GRM1: variants seen among roughly 807,000 people sequenced by gnomAD.
GRM1 encodes the protein glutamate metabotropic receptor 1.
GRM1 carries 33 observed loss-of-function variants against 90.9 expected under a neutral mutation model. That is an observed-to-expected ratio of 0.36 (90% CI 0.28 to 0.49). The LOEUF (loss-of-function observed/expected upper bound fraction) is 0.49, where lower values mean the gene tolerates loss of function less well. GRM1 is among the 20% of genes least tolerant of loss of function. The probability of loss-of-function intolerance (pLI) is 0.99; values close to 1 mark genes in which losing one functional copy is unlikely to be tolerated. For missense variants in GRM1, 1,190 were observed against 1,534.3 expected (o/e 0.78, Z 3.75); for synonymous variants, 700 against 613.2 (o/e 1.14, Z -2.09).
intron 1 of GRM1, among the ~76,000 whole-genome samples, chr6:146,047,286 G>A (rs1163139916): frequency 7.2e-6 from 1 of 138,808 alleles, no homozygotes; most frequent in African/African-American, 2.6e-5. Flanking sequence ...CTCATTTTTC[G>A]GGTTCTTTTT....
chr6:146,124,595 A>G lies in GRM1; in HGVS notation c.701-34753A>G, dbSNP rs555036068. Among the ~76,000 whole-genome samples, 129 of 152,278 alleles carry G rather than the reference A, an allele frequency of 8.5e-4. 1 individual carries two copies. Among genetic ancestry groups the G allele is most frequent in the Non-Finnish European group, 1.2e-3 (84 of 67,996 alleles). ...TATCTTCATGATCTTAGTATCAACTATACCTATTTCTGTGGCATAAGAATT... is the reference window on the plus strand; with the variant it reads ...TATCTTCATGATCTTAGTATCAACTGTACCTATTTCTGTGGCATAAGAATT... On this transcript the variant is annotated intron_variant, in intron 1 of 7. Transcript: ENST00000282753.
chr6:146,363,010 G>T (rs1224064418), intron 5 of GRM1, among the ~76,000 whole-genome samples: 2 of 152,120 alleles, frequency 1.3e-5, no homozygotes, highest in Non-Finnish European at 2.9e-5. Flanking sequence ...ATGTGCCCAG[G>T]TTTGTGCTGC....
chr6:146,268,255 G>T (rs1247458406), intron 2 of GRM1, among the ~76,000 whole-genome samples: 2 of 152,086 alleles, frequency 1.3e-5, no homozygotes, highest in Non-Finnish European at 2.9e-5. Flanking sequence ...TTAAGCCCCC[G>T]ACCTACAGTA....
intron 1 of GRM1, among the ~76,000 whole-genome samples, chr6:146,118,612 C>T (rs142328742): frequency 6.0e-4 from 91 of 152,330 alleles, no homozygotes; most frequent in South Asian, 3.9e-3. Context: ...CTGCAACAGG[C>T]CCTGGCATGT....
Position 146,317,030 on chromosome 6 carries a change from C to A in GRM1, c.1186+12184C>A, listed in dbSNP as rs557956134. Among the ~76,000 whole-genome samples, 3 of 152,324 alleles carry A rather than the reference C, an allele frequency of 2.0e-5. No individual in the cohort carries two copies. The South Asian group carries it at 6.2e-4, about 32-fold the overall frequency. On this transcript the variant is annotated intron_variant, in intron 3 of 7. Coordinates refer to ENST00000282753, the MANE Select transcript of GRM1 (RefSeq NM_001278064.2). ...TTCTTGTTAGACAAGCCTCGCCTTC[C>A]AGACTTACTTTGAGGTACATTGAAC...
chr6:146,163,879 A>G (rs893257629), intron 2 of GRM1, among the ~76,000 whole-genome samples: 11 of 152,138 alleles, frequency 7.2e-5, no homozygotes, highest in African/African-American at 2.7e-4. Flanking sequence ...TCATTAACGG[A>G]TAACTCATTT....
intron 7 of GRM1, among the ~76,000 whole-genome samples, chr6:146,415,272 T>C (rs9322058): frequency 0.63 from 95,400 of 151,970 alleles, 32,066 homozygotes; most frequent in African/African-American, 0.89. Flanking sequence ...TAATCTCACT[T>C]CTGAAGCCTC....
intron 7 of GRM1, among the ~76,000 whole-genome samples, chr6:146,425,592 G>A (rs188194898): frequency 3.7e-4 from 57 of 152,302 alleles, no homozygotes; most frequent in South Asian, 1.0e-3. Context: ...TGATGAGTTT[G>A]AGGAGCCCTG....
intron 1 of GRM1, among the ~76,000 whole-genome samples, chr6:146,065,504 G>A (rs770005670): frequency 1.3e-5 from 2 of 152,160 alleles, no homozygotes; most frequent in Admixed American, 6.6e-5. Context: ...TGACTGACAA[G>A]TACATGAGAT....
At chr6:146,350,223 T>G (rs2115037137) in intron 3 of GRM1, among the ~76,000 whole-genome samples, 1 of 152,360 alleles carries the variant, frequency 6.6e-6, no homozygotes, top group African/African-American at 2.4e-5. Context: ...ATTTTTTATC[T>G]ATGTAAAATA....
chr6:146,073,552 T>G (rs1240916674), intron 1 of GRM1, among the ~76,000 whole-genome samples: 1 of 152,178 alleles, frequency 6.6e-6, no homozygotes, highest in Non-Finnish European at 1.5e-5. Context: ...CAAATATAAT[T>G]TTAAAACTTT....
chr6:146,079,310 A>G (rs1776287233), intron 1 of GRM1, among the ~76,000 whole-genome samples: 2 of 152,136 alleles, frequency 1.3e-5, no homozygotes, highest in Admixed American at 1.3e-4. Flanking sequence ...AGCACCTCGG[A>G]TGTGTGATAT....
At position 146,219,907 on chromosome 6, in the gene GRM1, TTGTG is replaced by T. The variant is rs113309622; in HGVS notation, c.950+60332_950+60335del. ...CTCCAATAAAATGAATCTTGTTGTT[TTGTG>T]TGTGTGTGTGTGTGTGTGTGTATGC... is the stretch of plus-strand genomic sequence containing the variant. On this transcript the variant is annotated intron_variant, in intron 2 of 7. Coordinates refer to ENST00000282753, the MANE Select transcript of GRM1 (RefSeq NM_001278064.2). 5.2e-3 allele frequency among the ~76,000 whole-genome samples: 765 copies of T among 148,492 alleles called. 5 individuals are homozygous for T. The highest frequency in any genetic ancestry group is 0.01 in the South Asian group (48 of 4,664).
intron 2 of GRM1, among the ~76,000 whole-genome samples, chr6:146,262,417 A>G (rs1023144299): frequency 6.6e-6 from 1 of 152,058 alleles, no homozygotes; most frequent in Non-Finnish European, 1.5e-5. Context: ...GTCTCTATTT[A>G]TAATTTACTT....
chr6:146,267,675 GGGCTGGGCTCGGCTCGGCTCGGCTC>G (rs1349612657), intron 2 of GRM1, among the ~76,000 whole-genome samples: 30 of 103,246 alleles, frequency 2.9e-4, no homozygotes, highest in African/African-American at 2.0e-3. Flanking sequence ...GGGCTGGGCT[GGGCTGGGCTCGGCTCGGCTCGGCTC>G]GGCTCGTCTC....
intron 2 of GRM1, among the ~76,000 whole-genome samples, chr6:146,259,954 T>TTATTTATATATATATA (rs929193256): frequency 6.8e-6 from 1 of 148,096 alleles, no homozygotes; most frequent in East Asian, 1.9e-4. Flanking sequence ...TCACCAATAC[T>TTATTTATATATATATA]TATTTATATA....
In GRM1 at chr6:146,198,561, A is replaced by C. The variant is rs557014703; in HGVS notation, c.950+38964A>C. Among the ~76,000 whole-genome samples the C allele has an allele frequency of 2.0e-5, 3 of 152,342 alleles. No individual in the cohort carries two copies. The South Asian group carries it at 6.2e-4, about 32-fold the overall frequency. Reference sequence around the variant, plus strand: ...TAACAATTGTACACTCAGGGACTGAAAAAATCACCATTGGGTAGGTCCATA... The same window carrying C: ...TAACAATTGTACACTCAGGGACTGACAAAATCACCATTGGGTAGGTCCATA... On this transcript the variant is annotated intron_variant, in intron 2 of 7. Coordinates refer to ENST00000282753, the MANE Select transcript of GRM1 (RefSeq NM_001278064.2).
chr6:146,144,457 T>C (rs1419384312), intron 1 of GRM1, among the ~76,000 whole-genome samples: 1 of 152,212 alleles, frequency 6.6e-6, no homozygotes, highest in Admixed American at 6.5e-5. Flanking sequence ...TGTGATACCC[T>C]GTGCTGCCTC....
At chr6:146,168,519 T>G (rs1777990649) in intron 2 of GRM1, among the ~76,000 whole-genome samples, 1 of 152,006 alleles carries the variant, frequency 6.6e-6, no homozygotes, top group South Asian at 2.1e-4. Flanking sequence ...AGCTTCTATA[T>G]TTACCCGTAT....
Sources: gnomAD v4.1 joint callset for allele counts (sites outside exome capture counted in the v4.1 genomes callset) on GRCh38, gnomAD v4.1.1 for gene constraint, MANE v1.5 for transcripts, NCBI Gene and HGNC (gene_info 2026-07-23, HGNC 2026-07-21) for gene names.